The following CDH22 variants were observed in gnomAD, a reference collection of about 807,000 sequenced individuals.
CDH22 encodes cadherin 22, also known as cadherin-22.
A neutral mutation model predicts 58.4 loss-of-function variants in CDH22; 30 were observed. The observed-to-expected ratio is 0.51, with a 90% CI of 0.38 to 0.70. The LOEUF (loss-of-function observed/expected upper bound fraction) is 0.70, where lower values mean the gene tolerates loss of function less well. Among genes scored for constraint, CDH22 ranks in the 30% least tolerant of loss-of-function variants. The pLI is 0.00. For synonymous variants in CDH22, 513 were observed against 558.2 expected (o/e 0.92, Z 1.14); for missense variants, 1,014 against 1,233.9 (o/e 0.82, Z 2.67).
chr20:46,227,716 A>C, intron 3 of CDH22, 89 bp from the exon 4 acceptor site: 1 of 1,508,936 alleles, frequency 6.6e-7, no homozygotes, highest in Admixed American at 2.0e-5. Flanking sequence ...AAGCTGGGAG[A>C]GGAGACCCTC....
intron 8 of CDH22, among the ~76,000 whole-genome samples, chr20:46,198,802 C>CT (rs2085930422): frequency 6.6e-6 from 1 of 152,202 alleles, no homozygotes; most frequent in Admixed American, 6.5e-5. Context: ...GCTGTTCCCC[C>CT]TGCTTGGAAT....
At chr20:46,259,170 T>C (rs2086420163) in intron 1 of CDH22, among the ~76,000 whole-genome samples, 1 of 152,200 alleles carries the variant, frequency 6.6e-6, no homozygotes, top group Non-Finnish European at 1.5e-5. Flanking sequence ...TAGGTACTCT[T>C]GAGATGATGG....
chr20:46,240,696 T>C (rs937977526), intron 3 of CDH22, among the ~76,000 whole-genome samples: 1 of 152,156 alleles, frequency 6.6e-6, no homozygotes, highest in Non-Finnish European at 1.5e-5. Context: ...TGTATGAGCA[T>C]GTCCGAGGGC....
intron 1 of CDH22, among the ~76,000 whole-genome samples, chr20:46,252,854 G>T (rs192178352): frequency 1.3e-5 from 2 of 152,366 alleles, no homozygotes; most frequent in Admixed American, 1.3e-4. Flanking sequence ...GACCTGTGGG[G>T]CTCAGGGAAG....
chr20:46,258,553 C>T, intron 1 of CDH22, among the ~76,000 whole-genome samples: 1 of 152,240 alleles, frequency 6.6e-6, no homozygotes, highest in East Asian at 1.9e-4. Flanking sequence ...CCTAGCAGGA[C>T]AGGTGAGTCT....
chr20:46,301,964 G>A (rs2086654296), intron 1 of CDH22, among the ~76,000 whole-genome samples: 1 of 152,202 alleles, frequency 6.6e-6, no homozygotes, highest in Non-Finnish European at 1.5e-5. Flanking sequence ...ACCAGCGGGT[G>A]CATCCTTCTC....
intron 5 of CDH22, 22 bp from the exon 6 acceptor site, chr20:46,213,210 G>A (rs1273941160): frequency 6.2e-7 from 1 of 1,610,496 alleles, no homozygotes; most frequent in Non-Finnish European, 8.5e-7. Flanking sequence ...ACGGCCATGA[G>A]CAGGGATGAA....
intron 2 of CDH22, among the ~76,000 whole-genome samples, chr20:46,243,157 A>G (rs544761949): frequency 4.7e-4 from 71 of 152,302 alleles, no homozygotes; most frequent in African/African-American, 1.4e-3. Flanking sequence ...CCCACTAGGC[A>G]GGAGAACAGG....
chr20:46,279,091 C>T (rs1420455950), intron 1 of CDH22, among the ~76,000 whole-genome samples: 1 of 152,182 alleles, frequency 6.6e-6, no homozygotes, highest in Admixed American at 6.5e-5. Context: ...TCTGGGTGGA[C>T]CTCAGCGGTG....
At chr20:46,203,009 C>T (rs1188451395) in intron 7 of CDH22, among the ~76,000 whole-genome samples, 1 of 152,190 alleles carries the variant, frequency 6.6e-6, no homozygotes, top group African/African-American at 2.4e-5. Context: ...CTCTCTCCTC[C>T]CTCCATGCTG....
intron 3 of CDH22, among the ~76,000 whole-genome samples, chr20:46,235,446 G>T (rs2086245918): frequency 6.6e-6 from 1 of 152,168 alleles, no homozygotes; most frequent in Admixed American, 6.5e-5. Flanking sequence ...TGTATCTTTA[G>T]CCTCATCTCT....
At chr20:46,190,208 C>G (rs1290367892) in intron 8 of CDH22, among the ~76,000 whole-genome samples, 1 of 152,242 alleles carries the variant, frequency 6.6e-6, no homozygotes, top group Non-Finnish European at 1.5e-5. Context: ...AACACTCTCT[C>G]TTATTATGAC....
In CDH22 at chr20:46,210,192, G is replaced by T; in HGVS notation, c.1286+115C>A. On this transcript the variant is annotated intron_variant, in intron 7 of 11. Coordinates refer to ENST00000537909, the MANE Select transcript of CDH22 (RefSeq NM_021248.3). This position sits in a 1 kb window ranked among gnomAD's most constrained non-coding sequence, Gnocchi z 4.5. ...TCTCCGCGCCTCCCTCCCCCACGCA[G>T]CCCCTTCCTTCGGCCCTGCCCGCCC... is the stretch of plus-strand genomic sequence containing the variant. 9.0e-7 allele frequency: 1 copy of T among 1,111,124 alleles called. No homozygotes were observed. The highest frequency in any genetic ancestry group is 1.2e-6 in the Non-Finnish European group (1 of 849,172). 68.8% of individuals were successfully genotyped at this position (1,111,124 alleles called of 1,614,324 possible). A position where few individuals can be genotyped will look rare whatever the true frequency, so the allele number is the denominator to read the frequency against.
intron 6 of CDH22, 82 bp downstream of exon 6, chr20:46,212,913 G>T: frequency 9.0e-7 from 1 of 1,112,280 alleles, no homozygotes; most frequent in Non-Finnish European, 1.3e-6. Flanking sequence ...GAGTGAGGTG[G>T]GGGTATTCGG....
chr20:46,296,569 T>C (rs1461751358), intron 1 of CDH22, among the ~76,000 whole-genome samples: 3 of 152,198 alleles, frequency 2.0e-5, no homozygotes, highest in Non-Finnish European at 4.4e-5. Context: ...ATTGAATAGA[T>C]GTGAGGGCTC....
chr20:46,250,630 G>A (rs1435206635), intron 2 of CDH22, among the ~76,000 whole-genome samples: 1 of 152,246 alleles, frequency 6.6e-6, no homozygotes, highest in South Asian at 2.1e-4. Flanking sequence ...CAGGAGATGA[G>A]GCTGGAGGAG....
chr20:46,234,588 T>C (rs1476549600), intron 3 of CDH22, among the ~76,000 whole-genome samples: 1 of 152,232 alleles, frequency 6.6e-6, no homozygotes, highest in Non-Finnish European at 1.5e-5. Flanking sequence ...CACAGAGGAA[T>C]TGAAACACAT....
chr20:46,240,511 T>A (rs189688627), intron 3 of CDH22, among the ~76,000 whole-genome samples: 2 of 152,248 alleles, frequency 1.3e-5, no homozygotes, highest in East Asian at 3.9e-4. Context: ...AAGGGCTCTG[T>A]CAAGGCGTCC....
At chr20:46,228,753 C>T (rs1600707053) in intron 3 of CDH22, among the ~76,000 whole-genome samples, 1 of 152,120 alleles carries the variant, frequency 6.6e-6, no homozygotes, top group Non-Finnish European at 1.5e-5. Context: ...CTGGTGGGGC[C>T]AGGCAGGCCC....
Sources: allele counts gnomAD v4.1 joint callset (sites outside exome capture counted in the v4.1 genomes callset), GRCh38; gene constraint gnomAD v4.1.1; non-coding constraint Gnocchi (gnomAD v3.1); transcripts MANE v1.5; gene names NCBI Gene and HGNC (gene_info 2026-07-23, HGNC 2026-07-21).